The following PLCE1 variants were observed in gnomAD, a reference collection of about 807,000 sequenced individuals.
The protein encoded by PLCE1 is phospholipase C epsilon 1, also known as 1-phosphatidylinositol 4,5-bisphosphate phosphodiesterase epsilon-1.
In PLCE1, 119 loss-of-function variants were observed where a neutral mutation model predicts 242.8. The observed-to-expected ratio is 0.49, with a 90% confidence interval of 0.42 to 0.57. The LOEUF is 0.57. PLCE1 is among the 20% of genes least tolerant of loss of function. The pLI is 0.00. For missense variants in PLCE1, 2,441 were observed against 2,788.8 expected (o/e 0.88, Z 2.81); for synonymous variants, 945 against 1,017.4 (o/e 0.93, Z 1.35).
intron 2 of PLCE1, among the ~76,000 whole-genome samples, chr10:94,064,278 G>A (rs2044140177): frequency 6.6e-6 from 1 of 152,152 alleles, no homozygotes; most frequent in African/African-American, 2.4e-5. Context: ...TTGTTCAGAC[G>A]TGGTGGCTCA....
intron 2 of PLCE1, among the ~76,000 whole-genome samples, chr10:94,101,330 G>C (rs777641405): frequency 2.0e-5 from 3 of 151,452 alleles, no homozygotes; most frequent in South Asian, 2.1e-4. Context: ...TTAAAGCTGA[G>C]GAAAAAAAAA....
chr10:94,118,045 A>G (rs988497600), intron 2 of PLCE1, among the ~76,000 whole-genome samples: 1 of 152,216 alleles, frequency 6.6e-6, no homozygotes. Flanking sequence ...AAGCTTTTTA[A>G]ATTACAAAAT....
intron 3 of PLCE1, among the ~76,000 whole-genome samples, chr10:94,140,226 A>G (rs2046910509): frequency 6.6e-6 from 1 of 152,172 alleles, no homozygotes; most frequent in South Asian, 2.1e-4. Flanking sequence ...TACCTTACAG[A>G]TACAATATTT....
At chr10:94,304,338 G>A (rs142355344) in intron 24 of PLCE1, 144 bp from the exon 25 acceptor site, 12 of 775,834 alleles carry the variant, frequency 1.5e-5, no homozygotes, top group Middle Eastern at 3.6e-4. Flanking sequence ...ATCAATCTGT[G>A]GGACGAATGG....
intron 1 of PLCE1, among the ~76,000 whole-genome samples, chr10:94,019,886 A>G (rs1282555550): frequency 6.6e-6 from 1 of 152,138 alleles, no homozygotes; most frequent in Non-Finnish European, 1.5e-5. Flanking sequence ...AGTTTTATGA[A>G]TATACTACAA....
At chr10:94,138,243 A>G (rs2046847381) in intron 3 of PLCE1, 1 of 325,378 alleles carries the variant, frequency 3.1e-6, no homozygotes, top group Admixed American at 4.0e-5. Context: ...GGTGCTGCAT[A>G]TTGACCTTGA....
In PLCE1 at chr10:94,001,306, G is replaced by A. The variant is rs562805763; in HGVS notation, c.-365+7048G>A. On this transcript the variant is annotated intron_variant, in intron 1 of 32. Transcript: ENST00000371380. ...ATCACTGCTGGCTGTGTGGTTGTAT[G>A]GTAACCTCAAGGAAATGTGCTCCAT... 1.7e-4 allele frequency among the ~76,000 whole-genome samples: 26 copies of A among 152,220 alleles called. No homozygotes were observed. The East Asian group carries it at 4.8e-3, about 28-fold the overall frequency.
At chr10:94,264,313 C>T (rs2051425363) in intron 14 of PLCE1, among the ~76,000 whole-genome samples, 1 of 151,954 alleles carries the variant, frequency 6.6e-6, no homozygotes, top group Non-Finnish European at 1.5e-5. Context: ...CAGCAGCAAG[C>T]TGGGGGTTTA....
intron 22 of PLCE1, among the ~76,000 whole-genome samples, chr10:94,287,981 CT>C (rs1262015456): frequency 6.6e-5 from 10 of 152,092 alleles, no homozygotes; most frequent in Non-Finnish European, 1.2e-4. Context: ...ATTGTGACAT[CT>C]CCTTTCTGGA....
intron 2 of PLCE1, among the ~76,000 whole-genome samples, chr10:94,122,642 G>A (rs2046331326): frequency 6.6e-5 from 10 of 152,144 alleles, no homozygotes. Flanking sequence ...ATAGGCCCTA[G>A]ACTGTGCCCT....
chr10:94,085,534 G>A (rs1356370116), intron 2 of PLCE1, among the ~76,000 whole-genome samples: 2 of 152,218 alleles, frequency 1.3e-5, no homozygotes, highest in Non-Finnish European at 2.9e-5. Flanking sequence ...AGACAGGACT[G>A]TTAGGAGGCC....
chr10:94,099,287 G>A (rs1360546597), intron 2 of PLCE1, among the ~76,000 whole-genome samples: 1 of 152,178 alleles, frequency 6.6e-6, no homozygotes, highest in Non-Finnish European at 1.5e-5. Flanking sequence ...TTTAAACCCT[G>A]CTTCCTTCTG....
Position 94,246,528 on chromosome 10 carries a change from A to G in PLCE1, c.3003A>G (p.Gly1001=). The part of the protein sequence containing the change: ...PKHTAKMLFS[G]LLELTRAVRK... ...ACACAGCTAAAATGCTCTTCAGCGG[A>G]TTATTGGAACTCACTAGAGCTGTGA... The change falls in exon 8 of 33, where the codon GGA becomes GGG. Residue 1001 remains glycine, a synonymous_variant. Transcript: ENST00000371380. 1.2e-6 allele frequency: 2 copies of G among 1,614,094 alleles called. No homozygotes were observed. Among genetic ancestry groups the G allele is most frequent in the Non-Finnish European group, 1.7e-6 (2 of 1,179,962 alleles).
intron 2 of PLCE1, among the ~76,000 whole-genome samples, chr10:94,072,812 C>G (rs940026058): frequency 1.3e-5 from 2 of 151,934 alleles, no homozygotes; most frequent in Non-Finnish European, 2.9e-5. Context: ...TGAGTCTGAC[C>G]CAATGTCACC....
chr10:94,002,291 T>C (rs1218430765), intron 1 of PLCE1, among the ~76,000 whole-genome samples: 1 of 152,214 alleles, frequency 6.6e-6, no homozygotes, highest in Non-Finnish European at 1.5e-5. Context: ...GGATAGGCTT[T>C]TGACTGCCTT....
At chr10:94,309,018 A>G (rs934750231) in intron 27 of PLCE1, among the ~76,000 whole-genome samples, 3 of 152,250 alleles carry the variant, frequency 2.0e-5, no homozygotes, top group African/African-American at 4.8e-5. Context: ...AACAAAGCCC[A>G]TATATTACAG....
intron 3 of PLCE1, among the ~76,000 whole-genome samples, chr10:94,156,184 C>G (rs1265851261): frequency 6.6e-6 from 1 of 152,126 alleles, no homozygotes; most frequent in African/African-American, 2.4e-5. Flanking sequence ...GTTTTCCATA[C>G]CAAGAATGTA....
intron 3 of PLCE1, 122 bp from the exon 4 acceptor site, chr10:94,171,058 C>T: frequency 1.2e-6 from 1 of 843,138 alleles, no homozygotes; most frequent in Middle Eastern, 3.3e-4. Context: ...TAGTACAGAA[C>T]TCTTCACTAA....
At chr10:94,310,211 G>A (rs986237514) in intron 27 of PLCE1, among the ~76,000 whole-genome samples, 4 of 152,140 alleles carry the variant, frequency 2.6e-5, no homozygotes, top group African/African-American at 9.7e-5. Context: ...CACCTTCTGC[G>A]CTCACAATGG....
Sources: allele counts gnomAD v4.1 joint callset (sites outside exome capture counted in the v4.1 genomes callset), GRCh38; gene constraint gnomAD v4.1.1; transcripts MANE v1.5; gene names NCBI Gene and HGNC (gene_info 2026-07-23, HGNC 2026-07-21).